CDH13: variants seen among roughly 807,000 people sequenced by gnomAD.
CDH13 encodes cadherin-13.
CDH13 carries 24 observed loss-of-function variants against 63.8 expected under a neutral mutation model. The observed-to-expected ratio is 0.38, with a 90% CI of 0.27 to 0.53. The LOEUF (loss-of-function observed/expected upper bound fraction) is 0.53, where lower values mean the gene tolerates loss of function less well. CDH13 is among the 20% of genes least tolerant of loss of function. CDH13 has a pLI of 0.85. For synonymous variants in CDH13, 503 were observed against 355.3 expected (o/e 1.42, Z -4.67); for missense variants, 1,049 against 903.1 (o/e 1.16, Z -2.07).
intron 1 of CDH13, among the ~76,000 whole-genome samples, chr16:82,736,246 G>C (rs1245859337): frequency 6.6e-6 from 1 of 152,166 alleles, no homozygotes; most frequent in East Asian, 1.9e-4. Flanking sequence ...ACCTGGGTGG[G>C]TGGATGCCTA....
chr16:82,950,649 T>C (rs1053285416), intron 2 of CDH13, among the ~76,000 whole-genome samples: 2 of 152,134 alleles, frequency 1.3e-5, no homozygotes, highest in Non-Finnish European at 2.9e-5. Context: ...AAACATCTTT[T>C]TCTTTATAAA....
chr16:83,362,117 C>G (rs2091173129), intron 6 of CDH13, among the ~76,000 whole-genome samples: 1 of 152,126 alleles, frequency 6.6e-6, no homozygotes, highest in Non-Finnish European at 1.5e-5. Flanking sequence ...CTCTAACAGA[C>G]CTGCTCATCA....
intron 1 of CDH13, among the ~76,000 whole-genome samples, chr16:82,693,239 C>G (rs553396361): frequency 1.2e-4 from 19 of 152,300 alleles, no homozygotes; most frequent in African/African-American, 4.6e-4. Flanking sequence ...CTAAGGCATG[C>G]CCTGTTTCCT....
intron 10 of CDH13, among the ~76,000 whole-genome samples, chr16:83,731,699 G>C (rs538471912): frequency 6.6e-6 from 1 of 152,316 alleles, no homozygotes; most frequent in East Asian, 1.9e-4. Flanking sequence ...CTTTGCCAAG[G>C]TCAATGTGCA....
chr16:82,692,243 G>A (rs146968527), intron 1 of CDH13, among the ~76,000 whole-genome samples: 1,835 of 152,266 alleles, frequency 0.012, 35 homozygotes, highest in African/African-American at 0.041. Flanking sequence ...AGGCTCAAAT[G>A]TTCACACTCT....
At chr16:82,632,349 C>T (rs1280762058) in intron 1 of CDH13, among the ~76,000 whole-genome samples, 1 of 152,192 alleles carries the variant, frequency 6.6e-6, no homozygotes, top group Non-Finnish European at 1.5e-5. Context: ...TTTTCTCCTT[C>T]CCTGTGATTG....
intron 6 of CDH13, among the ~76,000 whole-genome samples, chr16:83,442,706 G>A (rs2072514080): frequency 6.6e-6 from 1 of 152,182 alleles, no homozygotes; most frequent in African/African-American, 2.4e-5. Context: ...TTGTTCTTTA[G>A]AATCTCTAAC....
intron 1 of CDH13, among the ~76,000 whole-genome samples, chr16:82,853,191 A>G (rs551574164): frequency 6.6e-6 from 1 of 152,152 alleles, no homozygotes; most frequent in African/African-American, 2.4e-5. Flanking sequence ...CATATCAGGC[A>G]CTGATGTTCT....
chr16:83,459,621 C>T (rs2073123739), intron 6 of CDH13, among the ~76,000 whole-genome samples: 1 of 152,196 alleles, frequency 6.6e-6, no homozygotes, highest in Non-Finnish European at 1.5e-5. Context: ...GACAGATTCG[C>T]AGATTTGTGA....
At chr16:83,201,197 T>C (rs559778184) in intron 4 of CDH13, among the ~76,000 whole-genome samples, 1 of 152,178 alleles carries the variant, frequency 6.6e-6, no homozygotes, top group Non-Finnish European at 1.5e-5. Context: ...ATAGCTTCTT[T>C]ATTTATTAAA....
chr16:83,518,046 G>A (rs758117285), intron 7 of CDH13, among the ~76,000 whole-genome samples: 5 of 152,184 alleles, frequency 3.3e-5, no homozygotes, highest in Non-Finnish European at 2.9e-5. Flanking sequence ...ATCTCCACAT[G>A]TCATAGGAGG....
At chr16:82,977,426 C>G (rs1029832369) in intron 2 of CDH13, among the ~76,000 whole-genome samples, 7 of 152,132 alleles carry the variant, frequency 4.6e-5, no homozygotes, top group African/African-American at 1.7e-4. Context: ...TCCCATAATC[C>G]CCACGTGTAA....
At position 82,644,881 on chromosome 16, in the gene CDH13, G is replaced by A. The variant is rs538054615; in HGVS notation, c.45+17744G>A. 1.3e-5 allele frequency among the ~76,000 whole-genome samples: 2 copies of A among 152,258 alleles called. No homozygotes were observed. Among genetic ancestry groups the A allele is most frequent in the African/African-American group, 4.8e-5 (2 of 41,536 alleles). The stretch of plus-strand genomic sequence containing the variant: ...GTTCTGAAGAGATACTGGTTCCATG[G>A]GAGGTTAATATGGGTTCTGGGGAAA... On this transcript the variant is annotated intron_variant, in intron 1 of 13. Coordinates refer to ENST00000567109, the MANE Select transcript of CDH13 (RefSeq NM_001257.5). The surrounding 1 kb of genome is among the most constrained non-coding windows in gnomAD (Gnocchi z 5.7).
chr16:83,628,605 G>A (rs1428803227), intron 8 of CDH13, among the ~76,000 whole-genome samples: 1 of 152,164 alleles, frequency 6.6e-6, no homozygotes. Flanking sequence ...CTAACCACAA[G>A]CTCTTCCCAG....
At chr16:82,863,793 A>T (rs912065704) in intron 2 of CDH13, among the ~76,000 whole-genome samples, 1 of 152,244 alleles carries the variant, frequency 6.6e-6, no homozygotes, top group Non-Finnish European at 1.5e-5. Context: ...CATTAAAAAT[A>T]CAAACAGGTG....
rs557796116 is a variant in CDH13 at position 83,594,713 on chromosome 16, C to A, written c.961-7741C>A. 4.5e-4 allele frequency among the ~76,000 whole-genome samples: 68 copies of A among 152,268 alleles called. 1 individual carries two copies. Among genetic ancestry groups the A allele is most frequent in the Non-Finnish European group, 4.3e-4 (29 of 68,028 alleles). ...GGGAAAACCTTTTTCCACATCACAT[C>A]TATTTGTTGATTTTCCCCCCACAGC... On this transcript the variant is annotated intron_variant, in intron 7 of 13. Coordinates refer to ENST00000567109, the MANE Select transcript of CDH13 (RefSeq NM_001257.5).
intron 8 of CDH13, among the ~76,000 whole-genome samples, chr16:83,628,777 T>G (rs1366072213): frequency 6.6e-6 from 1 of 152,230 alleles, no homozygotes; most frequent in Non-Finnish European, 1.5e-5. Flanking sequence ...TTATACCTTT[T>G]TCCCACCTGA....
At chr16:83,359,833 T>A (rs2091128456) in intron 6 of CDH13, among the ~76,000 whole-genome samples, 1 of 152,166 alleles carries the variant, frequency 6.6e-6, no homozygotes, top group Admixed American at 6.6e-5. Flanking sequence ...CATACAAAAT[T>A]TGTCATTCGG....
intron 10 of CDH13, chr16:83,721,438 G>C (rs546271239): frequency 6.6e-6 from 1 of 152,356 alleles, no homozygotes; most frequent in Non-Finnish European, 1.5e-5. Context: ...TTTTAAAACA[G>C]CTTGAGTTTA....
Sources: allele counts gnomAD v4.1 joint callset (sites outside exome capture counted in the v4.1 genomes callset), GRCh38; gene constraint gnomAD v4.1.1; non-coding constraint Gnocchi (gnomAD v3.1); transcripts MANE v1.5; gene names NCBI Gene and HGNC (gene_info 2026-07-23, HGNC 2026-07-21).